COL6A6: variants seen among roughly 807,000 people sequenced by gnomAD.
COL6A6 encodes collagen alpha-6(VI) chain.
COL6A6 carries 183 observed loss-of-function variants against 208.6 expected under a neutral mutation model. That is an observed-to-expected ratio of 0.88 (90% CI 0.78 to 0.99). The LOEUF is 0.99. Ranked by LOEUF, COL6A6 falls within the 50% of genes least tolerant of loss-of-function variation. COL6A6 has a pLI of 0.00. For synonymous variants in COL6A6, 973 were observed against 1,011.8 expected (o/e 0.96, Z 0.73); for missense variants, 2,816 against 2,815.2 (o/e 1.00, Z -0.01).
At chr3:130,552,613 C>T (rs1245356828) in intron 1 of COL6A6, among the ~76,000 whole-genome samples, 1 of 152,142 alleles carries the variant, frequency 6.6e-6, no homozygotes, top group Non-Finnish European at 1.5e-5. Flanking sequence ...CACTCTCTGC[C>T]TTTTAATTGG....
chr3:130,603,807 G>A (rs1434875620), intron 20 of COL6A6, among the ~76,000 whole-genome samples: 1 of 152,086 alleles, frequency 6.6e-6, no homozygotes, highest in African/African-American at 2.4e-5. Flanking sequence ...CATTCAGAAT[G>A]TCCTGCTTTT....
At chr3:130,530,937 T>A (rs2062066455) in intron 1 of COL6A6, among the ~76,000 whole-genome samples, 1 of 151,966 alleles carries the variant, frequency 6.6e-6, no homozygotes, top group South Asian at 2.1e-4. Context: ...CTCCGCAAAT[T>A]TGGGACTTGT....
chr3:130,576,402 A>G (rs1256072421), intron 8 of COL6A6, among the ~76,000 whole-genome samples: 2 of 152,208 alleles, frequency 1.3e-5, no homozygotes, highest in Admixed American at 1.3e-4. Flanking sequence ...TTAAAGGTTA[A>G]GAGTTCTGTA....
chr3:130,561,948 G>A (rs895572359), intron 2 of COL6A6, among the ~76,000 whole-genome samples: 2 of 152,142 alleles, frequency 1.3e-5, no homozygotes, highest in Admixed American at 6.5e-5. Context: ...CACCGCGCCC[G>A]GCTGAATCTA....
intron 1 of COL6A6, among the ~76,000 whole-genome samples, chr3:130,542,724 T>C (rs1193180997): frequency 6.6e-6 from 1 of 152,180 alleles, no homozygotes; most frequent in Non-Finnish European, 1.5e-5. Flanking sequence ...CACATACCTG[T>C]TAAGGATTAT....
At chr3:130,531,178 CT>C (rs1205158389) in intron 1 of COL6A6, among the ~76,000 whole-genome samples, 2 of 151,574 alleles carry the variant, frequency 1.3e-5, no homozygotes, top group Non-Finnish European at 2.9e-5. Context: ...TAGGTCCAGG[CT>C]TTTCAACCTA....
chr3:130,621,762 G>A (rs981556274), intron 23 of COL6A6, 59 bp from the exon 24 acceptor site: 11 of 1,436,894 alleles, frequency 7.7e-6, no homozygotes, highest in Non-Finnish European at 1.1e-5. Flanking sequence ...AAGACAGAGG[G>A]TTTGAAGAAA....
At position 130,559,872 on chromosome 3, in the gene COL6A6, G is replaced by A. The variant is rs144694478; in HGVS notation, c.-31-462G>A. Among the ~76,000 whole-genome samples the A allele has an allele frequency of 7.2e-5, 11 of 152,228 alleles. No individual in the cohort carries two copies. In the East Asian group the frequency reaches 1.4e-3, roughly 19 times the overall value. On this transcript the variant is annotated intron_variant, in intron 1 of 36. Transcript: ENST00000358511. ...CAGTTAGGGAGGAAAAGGAAAAAAC[G>A]TGTAATTTTGATCACATCTAAAAAT... is the stretch of plus-strand genomic sequence containing the variant.
At chr3:130,668,371 G>A (rs1213848069) in intron 36 of COL6A6, among the ~76,000 whole-genome samples, 2 of 151,974 alleles carry the variant, frequency 1.3e-5, no homozygotes, top group Non-Finnish European at 1.5e-5. Flanking sequence ...CCAGCTACTC[G>A]GGAGGCTGAG....
At chr3:130,581,425 A>C (rs190014068) in intron 8 of COL6A6, 136 bp from the exon 9 acceptor site, 41 of 576,894 alleles carry the variant, frequency 7.1e-5, no homozygotes, top group Admixed American at 2.1e-4. Flanking sequence ...CTCTTTCTTT[A>C]TTCATTTATG....
At chr3:130,566,374 A>T (rs193039959) in intron 4 of COL6A6, among the ~76,000 whole-genome samples, 3 of 152,154 alleles carry the variant, frequency 2.0e-5, no homozygotes, top group African/African-American at 7.2e-5. Flanking sequence ...TTCCCAACAC[A>T]CTACTTGACT....
At chr3:130,597,390 T>TTATAA (rs1252272009) in intron 18 of COL6A6, among the ~76,000 whole-genome samples, 4 of 152,234 alleles carry the variant, frequency 2.6e-5, no homozygotes, top group African/African-American at 9.6e-5. Flanking sequence ...TCCCATTAAC[T>TTATAA]TATAAGCTCT....
rs1439412289 is a variant in COL6A6 at position 130,563,556 on chromosome 3, A to G, written c.553A>G (p.Asn185Asp). 1.2e-6 allele frequency: 2 copies of G among 1,614,030 alleles called. No homozygotes were observed. The highest frequency in any genetic ancestry group is 1.7e-6 in the Non-Finnish European group (2 of 1,179,894). The part of the protein sequence containing the change: ...KAMATSQFHF[N>D]LRTVRDLSMF... ...CATGGCCACGTCTCAGTTTCATTTC[A>G]ACCTTCGGACAGTCAGAGACCTCAG... Residue 185 changes from asparagine to aspartate, a missense_variant, in exon 3 of 37, where the codon AAC (asparagine) becomes GAC (aspartate). Transcript: ENST00000358511.
At chr3:130,577,320 C>T (rs1296783527) in intron 8 of COL6A6, among the ~76,000 whole-genome samples, 1 of 152,188 alleles carries the variant, frequency 6.6e-6, no homozygotes, top group African/African-American at 2.4e-5. Flanking sequence ...CTGTTCCTCT[C>T]ACCACCCCCA....
intron 36 of COL6A6, among the ~76,000 whole-genome samples, chr3:130,669,806 A>G (rs948448742): frequency 1.9e-4 from 28 of 150,890 alleles, no homozygotes; most frequent in South Asian, 8.7e-4. Context: ...TATGAATATT[A>G]CTTTTTAAAA....
At position 130,563,303 on chromosome 3, in the gene COL6A6, C is replaced by A. The variant is rs1165627481; in HGVS notation, c.300C>A (p.Phe100Leu). 8.7e-6 allele frequency: 14 copies of A among 1,613,874 alleles called. No individual in the cohort carries two copies. Among genetic ancestry groups the A allele is most frequent in the Non-Finnish European group, 1.0e-5 (12 of 1,179,864 alleles). ...MLNHLRKNFG[F>L]IGGSLQIGKA... ...ACCACCTAAGGAAGAACTTTGGATT[C>A]ATTGGCGGGTCCCTGCAGATAGGAA... Residue 100 changes from phenylalanine (F) to leucine (L), a missense_variant, in exon 3 of 37, where the codon TTC (phenylalanine) becomes TTA (leucine). Phe to Leu is a conservative substitution (Grantham distance 22). Transcript: ENST00000358511.
chr3:130,547,284 T>C, intron 1 of COL6A6, among the ~76,000 whole-genome samples: 1 of 152,230 alleles, frequency 6.6e-6, no homozygotes, highest in Non-Finnish European at 1.5e-5. Flanking sequence ...CAGCGCCCCC[T>C]CTGCAGCTGC....
At chr3:130,612,405 A>G (rs2064386157) in intron 23 of COL6A6, among the ~76,000 whole-genome samples, 1 of 152,198 alleles carries the variant, frequency 6.6e-6, no homozygotes, top group Admixed American at 6.5e-5. Context: ...AGGAGTGTGC[A>G]AATGTTCTCT....
chr3:130,650,280 C>T (rs781288234), intron 33 of COL6A6, among the ~76,000 whole-genome samples: 14 of 151,852 alleles, frequency 9.2e-5, no homozygotes, highest in Admixed American at 3.9e-4. Flanking sequence ...ATGTGGAGAC[C>T]GTGAAGGGGG....
Sources: allele counts gnomAD v4.1 joint callset (sites outside exome capture counted in the v4.1 genomes callset), GRCh38; gene constraint gnomAD v4.1.1; transcripts MANE v1.5; gene names NCBI Gene and HGNC (gene_info 2026-07-23, HGNC 2026-07-21).